The following F8 variants were observed in gnomAD, a reference collection of about 807,000 sequenced individuals.
F8 encodes the protein coagulation factor VIII.
Under a neutral mutation model 140.6 loss-of-function variants are expected in F8, and 12 were observed. That is an observed-to-expected ratio of 0.09 (90% CI 0.05 to 0.14). The LOEUF is 0.14. Among genes scored for constraint, F8 ranks in the 10% least tolerant of loss-of-function variants. The pLI is 1.00. For missense variants in F8, 1,354 were observed against 1,720.7 expected, an observed-to-expected ratio of 0.79 and a Z score of 3.77; for synonymous variants, 585 against 614.6, an observed-to-expected ratio of 0.95 and a Z score of 0.71.
intron 2 of F8, among the ~76,000 whole-genome samples, chrX:154,997,554 T>C (rs2073624244): frequency 8.9e-6 from 1 of 112,129 alleles, no homozygotes; most frequent in East Asian, 2.8e-4. Flanking sequence ...AGTAGAGATC[T>C]GACTAATGAA....
At chrX:154,954,926 T>A (rs2073355854) in intron 11 of F8, among the ~76,000 whole-genome samples, 1 of 111,358 alleles carries the variant, frequency 9.0e-6, no homozygotes, top group Admixed American at 9.6e-5. Context: ...TGAAATGTTT[T>A]CAGACTAGTA....
At chrX:154,913,572 T>C (rs1325022154) in intron 14 of F8, among the ~76,000 whole-genome samples, 4 of 112,713 alleles carry the variant, frequency 3.5e-5, no homozygotes, top group Admixed American at 1.9e-4. Flanking sequence ...GGTACAGGCA[T>C]TGGGTAAATA....
In F8 at chrX:154,947,784, G is replaced by A; in HGVS notation, c.2027C>T (p.Thr676Ile). The change falls in exon 13 of 26, where the codon ACC becomes ATC. Residue 676 changes from threonine (T) to isoleucine (I), a missense_variant. By Grantham distance (89) the Thr-to-Ile change is moderately conservative. Around this residue, in one of 4 missense-constraint regions of F8, gnomAD observed 252 missense variants for 338.5 expected, o/e 0.74. Transcript: ENST00000360256. ...DFLSVFFSGY[T>I]FKHKMVYEDT... ...TTCATAGACCATTTTGTGTTTGAAG[G>A]TATATCCAGAGAAGAAGACAGAAAG... 1.7e-6 allele frequency: 2 copies of A among 1,209,351 alleles called. No individual in the cohort carries two copies. The highest frequency in any genetic ancestry group is 2.2e-5 in the Admixed American group (1 of 46,006).
chrX:154,967,786 C>T (rs2073433274), intron 7 of F8, among the ~76,000 whole-genome samples: 1 of 111,977 alleles, frequency 8.9e-6, no homozygotes, highest in African/African-American at 3.2e-5. Context: ...TGTGCATCAA[C>T]TTCCTGTTAC....
At chrX:154,943,778 G>C (rs2073284769) in intron 13 of F8, among the ~76,000 whole-genome samples, 1 of 111,656 alleles carries the variant, frequency 9.0e-6, no homozygotes, top group Non-Finnish European at 1.9e-5. Flanking sequence ...ATGCTACAAG[G>C]CTACAGTAAC....
rs1415203278 is a variant in F8 at position 154,836,062 on chromosome X, T to C, written c.*1535A>G. 8.9e-6 allele frequency: 1 copy of C among 112,513 alleles called. No individual in the cohort carries two copies. The highest frequency in any genetic ancestry group is 3.2e-5 in the African/African-American group (1 of 30,945). The allele number at this position is 112,513 out of a possible 1,213,427, so 9.3% of individuals were successfully genotyped here. On this transcript the variant is annotated 3_prime_UTR_variant, in exon 26 of 26. Transcript: ENST00000360256. ...GAACTTCACAGGGCTATAAACCATT[T>C]GCACCTGCATCATTTGTGGATTGTG...
rs782101646 is a variant in F8, at chrX:154,929,041, A to G, written c.4749T>C (p.Pro1583=). The G allele has an allele frequency of 4.9e-5, 59 of 1,208,437 alleles. No individual in the cohort carries two copies. The highest frequency in any genetic ancestry group is 6.5e-5 in the Non-Finnish European group (58 of 893,993). Residue 1583 remains proline, a synonymous_variant, in exon 14 of 26, where the codon CCT becomes CCC. Coordinates refer to ENST00000360256, the MANE Select transcript of F8 (RefSeq NM_000132.4). The part of the protein sequence containing the change: ...SAKTPSKLLD[P]LAWDNHYGTQ... ...TACCATAGTGGTTATCCCAAGCAAG[A>G]GGATCCAATAGCTTGGAGGGAGTCT...
At chrX:154,949,839 C>G (rs192163436) in intron 12 of F8, among the ~76,000 whole-genome samples, 1 of 109,624 alleles carries the variant, frequency 9.1e-6, no homozygotes, top group Non-Finnish European at 1.9e-5. Context: ...GTGATCTCTG[C>G]TCACTGCAAC....
At chrX:154,841,998 T>C (rs2148557709) in intron 25 of F8, among the ~76,000 whole-genome samples, 1 of 112,027 alleles carries the variant, frequency 8.9e-6, no homozygotes, top group Non-Finnish European at 1.9e-5. Flanking sequence ...ATTTCTCCTT[T>C]GAAAAATTGG....
intron 25 of F8, among the ~76,000 whole-genome samples, chrX:154,854,930 G>C (rs781836005): frequency 9.0e-6 from 1 of 110,872 alleles, no homozygotes; most frequent in East Asian, 2.8e-4. Flanking sequence ...TCAGGAGTTC[G>C]AGACCAGCCT....
intron 9 of F8, among the ~76,000 whole-genome samples, chrX:154,963,829 C>T (rs782593026): frequency 7.4e-4 from 81 of 109,745 alleles, no homozygotes; most frequent in Non-Finnish European, 1.2e-3. Context: ...GAAATGATAT[C>T]CAAAATATAT....
In F8 at chrX:154,966,589, TA is replaced by T. The variant is rs1557282041; in HGVS notation, c.1107del (p.Thr370LeufsTer48). ...CTGACCACATCCATTTCAGAATCAGTAAGATCATCATCATAGTCTTCCGCTT... is the reference window on the plus strand; with the variant it reads ...CTGACCACATCCATTTCAGAATCAGTAGATCATCATCATAGTCTTCCGCTT... ...NEEAEDYDDD[L>X]TDSEMDVVRF... On this transcript the variant is annotated frameshift_variant, in exon 8 of 26. Coordinates refer to ENST00000360256, the MANE Select transcript of F8 (RefSeq NM_000132.4). LOFTEE classifies it high-confidence loss of function. 1 of 1,211,274 alleles carries T rather than the reference TA, an allele frequency of 8.3e-7. No homozygotes were observed.
intron 3 of F8, among the ~76,000 whole-genome samples, chrX:154,995,585 G>A (rs1490558478): frequency 8.9e-6 from 1 of 111,912 alleles, no homozygotes; most frequent in African/African-American, 3.3e-5. Flanking sequence ...ACTGCATCAG[G>A]AGCAGCAACT....
chrX:155,013,144 T>A (rs1274655173), intron 1 of F8, among the ~76,000 whole-genome samples: 2 of 33,431 alleles, frequency 6.0e-5, no homozygotes, highest in Admixed American at 4.6e-4. Context: ...AGACTCCGTC[T>A]CAAAAAAAAA....
intron 25 of F8, among the ~76,000 whole-genome samples, chrX:154,855,432 A>G (rs1557272420): frequency 2.7e-5 from 3 of 111,735 alleles, no homozygotes; most frequent in Non-Finnish European, 5.6e-5. Flanking sequence ...GCCAAATCTC[A>G]TCCTGTGACT....
At chrX:155,017,049 T>G (rs1370305300) in intron 1 of F8, among the ~76,000 whole-genome samples, 1 of 112,024 alleles carries the variant, frequency 8.9e-6, no homozygotes, top group African/African-American at 3.2e-5. Context: ...GTCGGCCCAA[T>G]GTAATCACAT....
chrX:154,979,873 C>T (rs912690421), intron 6 of F8, among the ~76,000 whole-genome samples: 16 of 111,439 alleles, frequency 1.4e-4, no homozygotes, highest in African/African-American at 4.2e-4. Context: ...TGCCTTCACA[C>T]GGTCTTTAGG....
rs1800290 is a variant in F8, at chrX:154,953,929, A to G, written c.1866T>C (p.Leu622=). 375 of 1,210,049 alleles carry G rather than the reference A, an allele frequency of 3.1e-4. No individual in the cohort carries two copies. Among genetic ancestry groups the G allele is most frequent in the Non-Finnish European group, 3.9e-4 (351 of 895,199 alleles). ...RFLPNPAGVQ[L]EDPEFQASNI... ...TGGAGGCTTGGAACTCTGGATCCTC[A>G]AGCTGCACTCCAGCTGGATTGGGGA... The change falls in exon 12 of 26, where the codon CTT becomes CTC. Residue 622 remains leucine, a synonymous_variant. Transcript: ENST00000360256.
At chrX:154,923,535 T>C (rs2073143191) in intron 14 of F8, among the ~76,000 whole-genome samples, 1 of 111,725 alleles carries the variant, frequency 9.0e-6, no homozygotes, top group Non-Finnish European at 1.9e-5. Context: ...GAACTGATGG[T>C]TTTAAAAAGA....
Sources: allele counts gnomAD v4.1 joint callset (sites outside exome capture counted in the v4.1 genomes callset), GRCh38; gene constraint gnomAD v4.1.1; regional missense constraint gnomAD v4.1.1; transcripts MANE v1.5; gene names NCBI Gene and HGNC (gene_info 2026-07-23, HGNC 2026-07-21).